CEP164: variants seen among roughly 807,000 people sequenced by gnomAD.
CEP164 encodes centrosomal protein 164.
A neutral mutation model predicts 182.7 loss-of-function variants in CEP164; 162 were observed. The observed-to-expected ratio is 0.89, with a 90% confidence interval of 0.78 to 1.01. The LOEUF (loss-of-function observed/expected upper bound fraction) is 1.01. CEP164 is among the 50% of genes least tolerant of loss of function. The probability of loss-of-function intolerance (pLI) is 0.00; values close to 1 mark genes in which losing one functional copy is unlikely to be tolerated. For synonymous variants in CEP164, 661 were observed against 690.0 expected (o/e 0.96, Z 0.66); for missense variants, 1,735 against 1,790.4 (o/e 0.97, Z 0.56).
chr11:117,326,367 G>C (rs2035447161), upstream of CEP164, among the ~76,000 whole-genome samples: 1 of 152,042 alleles, frequency 6.6e-6, no homozygotes, highest in African/African-American at 2.4e-5. Flanking sequence ...TGAGCAGCTG[G>C]GACTACAGGC....
chr11:117,373,380 CTTTT>C (rs2042419684), intron 9 of CEP164, among the ~76,000 whole-genome samples: 1 of 151,706 alleles, frequency 6.6e-6, no homozygotes, highest in Non-Finnish European at 1.5e-5. Flanking sequence ...AAAAAAAGAG[CTTTT>C]ATCTATTTCC....
intron 27 of CEP164, among the ~76,000 whole-genome samples, chr11:117,399,414 T>C (rs1413300893): frequency 6.6e-6 from 1 of 152,240 alleles, no homozygotes; most frequent in Admixed American, 6.5e-5. Context: ...TCCAAGTCTT[T>C]GCTATTGTGA....
intron 15 of CEP164, among the ~76,000 whole-genome samples, chr11:117,390,192 C>G (rs916593269): frequency 6.6e-6 from 1 of 151,986 alleles, no homozygotes; most frequent in Non-Finnish European, 1.5e-5. Context: ...ATCCACCTAC[C>G]TCGGCCTCCC....
At chr11:117,328,133 C>G (rs567390526) in intron 1 of CEP164, 1 of 152,280 alleles carries the variant, frequency 6.6e-6, no homozygotes, top group Non-Finnish European at 1.5e-5. Context: ...AATCGGACTG[C>G]CAGGCGACAG....
intron 27 of CEP164, among the ~76,000 whole-genome samples, chr11:117,398,273 G>A (rs982621143): frequency 3.9e-5 from 6 of 152,202 alleles, no homozygotes; most frequent in Non-Finnish European, 5.9e-5. Flanking sequence ...GGGCAGCTCC[G>A]CCCCTGTGGC....
At chr11:117,371,585 C>A in intron 9 of CEP164, 119 bp downstream of exon 9, 2 of 1,245,966 alleles carry the variant, frequency 1.6e-6, no homozygotes, top group Non-Finnish European at 2.2e-6. Context: ...ATTTGCGTGT[C>A]CCTGCACTGG....
chr11:117,387,189 C>T lies in CEP164; in HGVS notation c.1725-14C>T, dbSNP rs2044066027. On this transcript the variant is annotated splice_polypyrimidine_tract_variant and intron_variant, in intron 14 of 32. Coordinates refer to ENST00000278935, the MANE Select transcript of CEP164 (RefSeq NM_014956.5). ...TTAACCCTGTGATGATATGCCATTC[C>T]CCACCCATGGTAGGCGATCCACAGA... 1 of 1,612,336 alleles carries T rather than the reference C, an allele frequency of 6.2e-7. No homozygotes were observed. Among genetic ancestry groups the T allele is most frequent in the Non-Finnish European group, 8.5e-7 (1 of 1,178,588 alleles).
chr11:117,395,999 C>G, intron 24 of CEP164, 55 bp from the exon 25 acceptor site: 1 of 1,609,198 alleles, frequency 6.2e-7, no homozygotes, highest in South Asian at 1.1e-5. Flanking sequence ...CCACTTCACC[C>G]CTCCCCCCCA....
In CEP164 at chr11:117,373,810, C is replaced by A. The variant is rs1754881538; in HGVS notation, c.1212C>A (p.Asp404Glu). 1 of 1,614,122 alleles carries A rather than the reference C, an allele frequency of 6.2e-7. No homozygotes were observed. The highest frequency in any genetic ancestry group is 8.5e-7 in the Non-Finnish European group (1 of 1,179,982). Residue 404 changes from aspartate (D) to glutamate (E), a missense_variant, in exon 10 of 33, where the codon GAC (aspartate) becomes GAA (glutamate). Coordinates refer to ENST00000278935, the MANE Select transcript of CEP164 (RefSeq NM_014956.5). ...EPQLSDSIAS[D>E]PKSFHGLDFG... Reference sequence around the variant, plus strand: ...AGCTCTCAGACTCCATAGCTTCTGACCCCAAGTCCTTCCATGGCCTGGTGA... The same window carrying A: ...AGCTCTCAGACTCCATAGCTTCTGAACCCAAGTCCTTCCATGGCCTGGTGA...
At chr11:117,332,579 C>G (rs1007211913) in intron 1 of CEP164, among the ~76,000 whole-genome samples, 2 of 151,932 alleles carry the variant, frequency 1.3e-5, no homozygotes, top group East Asian at 3.9e-4. Context: ...TCCTCTGTCT[C>G]AAAAAGAAAG....
chr11:117,383,779 G>A (rs1451148108), intron 14 of CEP164, among the ~76,000 whole-genome samples: 2 of 152,198 alleles, frequency 1.3e-5, no homozygotes, highest in Non-Finnish European at 2.9e-5. Flanking sequence ...GCTCACACCT[G>A]TAATCCCAGC....
At chr11:117,399,202 C>T (rs924480197) in intron 27 of CEP164, among the ~76,000 whole-genome samples, 1 of 152,078 alleles carries the variant, frequency 6.6e-6, no homozygotes. Context: ...TCTCATTGTT[C>T]AACTCCCACT....
chr11:117,336,788 CTGGAGA>C (rs1453685666), intron 2 of CEP164, among the ~76,000 whole-genome samples: 23 of 152,096 alleles, frequency 1.5e-4, no homozygotes, highest in African/African-American at 5.1e-4. Flanking sequence ...GAAGTGGGGA[CTGGAGA>C]GGTCAGGACT....
Position 117,366,487 on chromosome 11 carries a change from G to A in CEP164, c.765+2981G>A, listed in dbSNP as rs977136075. ...TGAAGAGAGAGAGGTTCATGGAACC[G>A]ACACTGAACAGGGCGAGCAAATCCA... On this transcript the variant is annotated intron_variant, in intron 8 of 32. Transcript: ENST00000278935. Among the ~76,000 whole-genome samples the A allele has an allele frequency of 5.9e-5, 9 of 152,116 alleles. No individual in the cohort carries two copies. In the South Asian group the frequency reaches 6.2e-4, roughly 11 times the overall value.
chr11:117,324,866 G>T (rs901770522), upstream of CEP164, among the ~76,000 whole-genome samples: 5 of 152,166 alleles, frequency 3.3e-5, no homozygotes, highest in Non-Finnish European at 5.9e-5. Context: ...GCCTGGCATG[G>T]TGGTGACAGA....
chr11:117,410,624 T>C lies in CEP164; in HGVS notation c.4097-204T>C, dbSNP rs549279445. The C allele has an allele frequency of 1.2e-5, 6 of 498,364 alleles. 1 individual carries two copies. In the South Asian group the frequency reaches 1.3e-4, roughly 11 times the overall value. 30.9% of individuals were successfully genotyped at this position (498,364 alleles called of 1,614,324 possible). A position where few individuals can be genotyped will look rare whatever the true frequency, so the allele number is the denominator to read the frequency against. On this transcript the variant is annotated intron_variant, in intron 30 of 32. Coordinates refer to ENST00000278935, the MANE Select transcript of CEP164 (RefSeq NM_014956.5). ...AAGGCATTTGAGGGGAAACAAAATA[T>C]CTTCTTTTTGCCCTAACCCAAATTG... is the stretch of plus-strand genomic sequence containing the variant.
At chr11:117,353,026 C>G (rs1423490083) in intron 5 of CEP164, among the ~76,000 whole-genome samples, 1 of 152,126 alleles carries the variant, frequency 6.6e-6, no homozygotes. Flanking sequence ...CAACTAAGAC[C>G]TGGAGCCATA....
At chr11:117,376,282 A>G (rs922836244) in intron 11 of CEP164, among the ~76,000 whole-genome samples, 4 of 152,056 alleles carry the variant, frequency 2.6e-5, no homozygotes, top group African/African-American at 9.7e-5. Context: ...CTCCTCCTCA[A>G]ATGGGATGAA....
rs1037628497 is a variant in CEP164, at chr11:117,408,892, C to T, written c.3612C>T (p.Ala1204=). 3 of 1,614,088 alleles carry T rather than the reference C, an allele frequency of 1.9e-6. No individual in the cohort carries two copies. Among genetic ancestry groups the T allele is most frequent in the African/African-American group, 1.3e-5 (1 of 75,006 alleles). The change falls in exon 29 of 33, where the codon GCC becomes GCT. Residue 1204 remains alanine (A), a splice_region_variant and synonymous_variant. Transcript: ENST00000278935. ...NQLESSLWEE[A]SDEGTLGGSP... ...TAACTGCTGACTTTACCCCACAGGC[C>T]TCAGATGAGGGCACTCTGGGAGGAT...
Sources: gnomAD v4.1 joint callset for allele counts (sites outside exome capture counted in the v4.1 genomes callset) on GRCh38, gnomAD v4.1.1 for gene constraint, MANE v1.5 for transcripts, NCBI Gene and HGNC (gene_info 2026-07-23, HGNC 2026-07-21) for gene names.